DRC11: variants seen among roughly 807,000 people sequenced by gnomAD.
DRC11 encodes the protein dynein regulatory complex subunit 11.
At chr2:236,323,958 T>C in the DRC11 span, among the ~76,000 whole-genome samples, 3 of 152,222 alleles carry the variant, frequency 2.0e-5, no homozygotes, top group East Asian at 1.9e-4. The surrounding 1 kb of genome is among the most constrained non-coding windows in gnomAD (Gnocchi z 6.4). Context: ...TTTTATGCCA[T>C]GGTTTTCATC....
chr2:236,345,497 G>A, the DRC11 span, among the ~76,000 whole-genome samples: 4 of 152,136 alleles, frequency 2.6e-5, no homozygotes, highest in African/African-American at 7.2e-5. Flanking sequence ...GGCCGTTCCC[G>A]GGTTTATTCA....
the DRC11 span, among the ~76,000 whole-genome samples, chr2:236,449,190 C>T: frequency 6.6e-6 from 1 of 152,162 alleles, no homozygotes; most frequent in Non-Finnish European, 1.5e-5. This position sits in a 1 kb window ranked among gnomAD's most constrained non-coding sequence, Gnocchi z 5.1. Context: ...ATAAACTGGG[C>T]CTGACACTAG....
chr2:236,345,382 C>G, the DRC11 span, among the ~76,000 whole-genome samples: 8 of 152,050 alleles, frequency 5.3e-5, no homozygotes, highest in African/African-American at 1.9e-4. Context: ...GACAAACATT[C>G]TGCTCTAGGA....
At chr2:236,308,824 G>T in the DRC11 span, among the ~76,000 whole-genome samples, 2 of 152,244 alleles carry the variant, frequency 1.3e-5, no homozygotes, top group East Asian at 3.8e-4. This position sits in a 1 kb window ranked among gnomAD's most constrained non-coding sequence, Gnocchi z 6.0. Context: ...CAGGAGGGCA[G>T]GTATTGGACC....
chr2:236,366,518 G>A, the DRC11 span, among the ~76,000 whole-genome samples: 1 of 152,140 alleles, frequency 6.6e-6, no homozygotes, highest in Non-Finnish European at 1.5e-5. Flanking sequence ...GCCCTGTCAT[G>A]AGAACAAATG....
the DRC11 span, chr2:236,497,385 G>C: frequency 3.1e-6 from 5 of 1,613,862 alleles, no homozygotes; most frequent in Middle Eastern, 3.3e-4. The surrounding 1 kb of genome is among the most constrained non-coding windows in gnomAD (Gnocchi z 5.1). Context: ...ATGTTTGAAA[G>C]ATGAAAACCT....
chr2:236,374,768 G>A, the DRC11 span, among the ~76,000 whole-genome samples: 1 of 151,976 alleles, frequency 6.6e-6, no homozygotes, highest in South Asian at 2.1e-4. Flanking sequence ...TTGGCTCACT[G>A]CAACCTCCAC....
At chr2:236,368,248 G>A in the DRC11 span, 4 of 1,610,844 alleles carry the variant, frequency 2.5e-6, no homozygotes, top group Non-Finnish European at 3.4e-6. Flanking sequence ...AGGAGGGAGG[G>A]CATGGGTTCT....
At chr2:236,426,562 T>C in the DRC11 span, among the ~76,000 whole-genome samples, 69 of 152,296 alleles carry the variant, frequency 4.5e-4, no homozygotes, top group Non-Finnish European at 6.5e-4. This position sits in a 1 kb window ranked among gnomAD's most constrained non-coding sequence, Gnocchi z 4.1. Context: ...TTTTCCTTTT[T>C]CTTTTTCAAA....
chr2:236,443,204 G>A, the DRC11 span, among the ~76,000 whole-genome samples: 1 of 152,134 alleles, frequency 6.6e-6, no homozygotes, highest in Non-Finnish European at 1.5e-5. This position sits in a 1 kb window ranked among gnomAD's most constrained non-coding sequence, Gnocchi z 4.4. Flanking sequence ...AAGTTGTGGG[G>A]TACATGAGCA....
At chr2:236,476,001 GTGTA>G in the DRC11 span, among the ~76,000 whole-genome samples, 1 of 152,124 alleles carries the variant, frequency 6.6e-6, no homozygotes, top group Non-Finnish European at 1.5e-5. The surrounding 1 kb of genome is among the most constrained non-coding windows in gnomAD (Gnocchi z 4.7). Flanking sequence ...AAGTCAGGTG[GTGTA>G]TGTAATACCT....
the DRC11 span, among the ~76,000 whole-genome samples, chr2:236,335,562 T>G: frequency 6.6e-6 from 1 of 152,214 alleles, no homozygotes; most frequent in East Asian, 1.9e-4. This position sits in a 1 kb window ranked among gnomAD's most constrained non-coding sequence, Gnocchi z 5.6. Context: ...ATCTGAATCC[T>G]AAGCGATGTG....
At chr2:236,415,638 G>A in the DRC11 span, among the ~76,000 whole-genome samples, 20 of 152,096 alleles carry the variant, frequency 1.3e-4, no homozygotes, top group African/African-American at 4.1e-4. This position sits in a 1 kb window ranked among gnomAD's most constrained non-coding sequence, Gnocchi z 5.7. Flanking sequence ...TGATTCTGAA[G>A]GCGTTTCCCC....
At chr2:236,507,457 T>G in the DRC11 span, 6 of 619,396 alleles carry the variant, frequency 9.7e-6, no homozygotes, top group Admixed American at 2.7e-5. Context: ...CCGGGTTTGC[T>G]TCGCAGGCAC....
At chr2:236,404,162 A>T in the DRC11 span, among the ~76,000 whole-genome samples, 4 of 76,156 alleles carry the variant, frequency 5.3e-5, no homozygotes, top group Admixed American at 4.3e-4. Flanking sequence ...ATGGAGAGTT[A>T]AAAAAAAAAA....
the DRC11 span, among the ~76,000 whole-genome samples, chr2:236,351,000 A>C: frequency 2.6e-5 from 4 of 152,226 alleles, no homozygotes; most frequent in Non-Finnish European, 5.9e-5. The surrounding 1 kb of genome is among the most constrained non-coding windows in gnomAD (Gnocchi z 5.2). Flanking sequence ...GGAGAAAAGA[A>C]GACTTGAGGC....
chr2:236,317,220 T>C, the DRC11 span, among the ~76,000 whole-genome samples: 10 of 151,402 alleles, frequency 6.6e-5, no homozygotes, highest in Non-Finnish European at 1.3e-4. The surrounding 1 kb of genome is among the most constrained non-coding windows in gnomAD (Gnocchi z 5.4). Context: ...CACTTGAACC[T>C]GGGAGACAGA....
At chr2:236,399,741 C>T in the DRC11 span, among the ~76,000 whole-genome samples, 3 of 152,154 alleles carry the variant, frequency 2.0e-5, no homozygotes, top group African/African-American at 7.2e-5. This position sits in a 1 kb window ranked among gnomAD's most constrained non-coding sequence, Gnocchi z 7.0. Flanking sequence ...GTACCCCATG[C>T]CCCGAGTTTG....
chr2:236,389,483 C>T, the DRC11 span, among the ~76,000 whole-genome samples: 5 of 152,226 alleles, frequency 3.3e-5, no homozygotes, highest in East Asian at 1.9e-4. Context: ...TGACCCCTTG[C>T]GCTTCCCGAG....
Sources: allele counts gnomAD v4.1 joint callset (sites outside exome capture counted in the v4.1 genomes callset), GRCh38; gene constraint gnomAD v4.1.1; non-coding constraint Gnocchi (gnomAD v3.1); transcripts MANE v1.5; gene names NCBI Gene and HGNC (gene_info 2026-07-23, HGNC 2026-07-21).